The following BIRC6 variants were observed in gnomAD, a reference collection of about 807,000 sequenced individuals.
The protein encoded by BIRC6 is baculoviral IAP repeat containing 6.
BIRC6 carries 98 observed loss-of-function variants against 503.3 expected under a neutral mutation model. The observed-to-expected ratio is 0.19, with a 90% confidence interval of 0.17 to 0.23. The LOEUF (loss-of-function observed/expected upper bound fraction) is 0.23. Among genes scored for constraint, BIRC6 ranks in the 10% least tolerant of loss-of-function variants. BIRC6 has a pLI of 1.00. For synonymous variants in BIRC6, 2,240 were observed against 2,078.7 expected (o/e 1.08, Z -2.11); for missense variants, 5,360 against 5,806.0 (o/e 0.92, Z 2.50).
rs1328599947 is a variant in BIRC6 at position 32,357,542 on chromosome 2, C to T, written c.325+56C>T. On this transcript the variant is annotated intron_variant, in intron 1 of 73. Coordinates refer to ENST00000421745, the MANE Select transcript of BIRC6 (RefSeq NM_016252.4). This position sits in a 1 kb window ranked among gnomAD's most constrained non-coding sequence, Gnocchi z 4.9. ...AGCCGGGGAAAGAAGCCGTCCAGCC[C>T]CGGGGCTCGGCCTCGCGACTCGGGG... 6.6e-7 allele frequency: 1 copy of T among 1,513,640 alleles called. No individual in the cohort carries two copies. The highest frequency in any genetic ancestry group is 1.2e-5 in the South Asian group (1 of 80,976). The allele number at this position is 1,513,640 out of a possible 1,614,324, so 93.8% of individuals were successfully genotyped here.
At chr2:32,435,407 C>T in intron 13 of BIRC6, 89 bp from the exon 14 acceptor site, 4 of 1,321,990 alleles carry the variant, frequency 3.0e-6, no homozygotes, top group Non-Finnish European at 3.0e-6. Context: ...GCACATAAAT[C>T]ATTGATATTA....
At chr2:32,494,448 G>A (rs965853806) in intron 45 of BIRC6, among the ~76,000 whole-genome samples, 1 of 151,256 alleles carries the variant, frequency 6.6e-6, no homozygotes, top group East Asian at 2.0e-4. Context: ...GGGTGGTCTC[G>A]ATCTCCTGAC....
chr2:32,386,222 G>A (rs1414785814), intron 3 of BIRC6, among the ~76,000 whole-genome samples: 1 of 152,082 alleles, frequency 6.6e-6, no homozygotes, highest in Non-Finnish European at 1.5e-5. Flanking sequence ...GTCCTTAAAA[G>A]TAAAGATAGA....
rs1300975582 is a variant in BIRC6 at position 32,607,580 on chromosome 2, A to C, written c.14196A>C (p.Arg4732=). 1 of 1,613,868 alleles carries C rather than the reference A, an allele frequency of 6.2e-7. No individual in the cohort carries two copies. ...QSSREYDGNI[R]QATVKWAMLE... Reference sequence around the variant, plus strand: ...CTCGAGAATATGATGGAAACATTCGACAAGCAACAGTTAAGTGGGCAATGC... The same window carrying C: ...CTCGAGAATATGATGGAAACATTCGCCAAGCAACAGTTAAGTGGGCAATGC... The change falls in exon 72 of 74, where the codon CGA becomes CGC. Residue 4732 remains arginine, a synonymous_variant. Transcript: ENST00000421745.
intron 61 of BIRC6, among the ~76,000 whole-genome samples, chr2:32,538,530 C>G (rs895658434): frequency 1.3e-5 from 2 of 152,226 alleles, no homozygotes; most frequent in African/African-American, 4.8e-5. Flanking sequence ...ACAAAAGCCT[C>G]TAAGTTCAGG....
At chr2:32,584,822 A>T (rs1310018653) in intron 66 of BIRC6, among the ~76,000 whole-genome samples, 2 of 152,190 alleles carry the variant, frequency 1.3e-5, no homozygotes, top group Admixed American at 6.5e-5. Flanking sequence ...TCACCCATCA[A>T]GGACTTGCAC....
At chr2:32,579,707 TAAAG>T (rs1157586159) in intron 66 of BIRC6, among the ~76,000 whole-genome samples, 5 of 151,698 alleles carry the variant, frequency 3.3e-5, no homozygotes, top group Admixed American at 6.6e-5. Flanking sequence ...AGAACAAAAA[TAAAG>T]AAAATAAAAA....
chr2:32,396,785 G>A (rs139920189), intron 6 of BIRC6, among the ~76,000 whole-genome samples: 2,412 of 152,086 alleles, frequency 0.016, 45 homozygotes, highest in African/African-American at 0.056. Flanking sequence ...GTGCAGTGGC[G>A]CGATCTCGGC....
At chr2:32,420,191 T>A (rs1421076341) in intron 10 of BIRC6, among the ~76,000 whole-genome samples, 1 of 152,214 alleles carries the variant, frequency 6.6e-6, no homozygotes, top group Non-Finnish European at 1.5e-5. Context: ...TTGTAATCTT[T>A]ATCTGGTTTT....
At chr2:32,446,333 C>T (rs185285738) in intron 21 of BIRC6, among the ~76,000 whole-genome samples, 1 of 152,170 alleles carries the variant, frequency 6.6e-6, no homozygotes, top group Non-Finnish European at 1.5e-5. Flanking sequence ...AACTAGTATT[C>T]TTCTACCTGC....
chr2:32,412,019 A>G (rs544689092), intron 9 of BIRC6, among the ~76,000 whole-genome samples: 1 of 152,086 alleles, frequency 6.6e-6, no homozygotes, highest in East Asian at 1.9e-4. Context: ...TCCTAATCTA[A>G]AAGGATCCTT....
intron 73 of BIRC6, among the ~76,000 whole-genome samples, chr2:32,616,606 C>G (rs1448048413): frequency 1.4e-5 from 2 of 147,760 alleles, no homozygotes; most frequent in African/African-American, 5.0e-5. Context: ...ACAATTATTT[C>G]TAAGGTTTAT....
chr2:32,461,018 T>TTCTCTTCTCTTCTCC (rs2047852743), intron 23 of BIRC6, among the ~76,000 whole-genome samples: 7 of 61,040 alleles, frequency 1.1e-4, no homozygotes, highest in Middle Eastern at 7.9e-3. Flanking sequence ...TTCTCTTCTC[T>TTCTCTTCTCTTCTCC]TCTCTTCTCT....
At chr2:32,480,450 T>A (rs541810733) in intron 37 of BIRC6, among the ~76,000 whole-genome samples, 3 of 152,206 alleles carry the variant, frequency 2.0e-5, no homozygotes, top group African/African-American at 7.2e-5. Context: ...TCATACAGGC[T>A]GGCATTTACT....
chr2:32,489,045 T>G (rs1160378079), intron 42 of BIRC6, among the ~76,000 whole-genome samples: 1 of 151,692 alleles, frequency 6.6e-6, no homozygotes, highest in Non-Finnish European at 1.5e-5. Flanking sequence ...TTTTTTTCAT[T>G]TTTTAAAACT....
At chr2:32,590,920 C>A in intron 66 of BIRC6, 1 of 985,830 alleles carries the variant, frequency 1.0e-6, no homozygotes. Flanking sequence ...AGACCTACTT[C>A]CAGCTAGGTG....
Position 32,597,817 on chromosome 2 carries a change from T to C in BIRC6, c.13679T>C (p.Met4560Thr). 6.2e-7 allele frequency: 1 copy of C among 1,613,858 alleles called. No homozygotes were observed. Among genetic ancestry groups the C allele is most frequent in the South Asian group, 1.1e-5 (1 of 91,088 alleles). ...KLGFKVNYHYMSQVKNANDAN... is the reference protein window; with the variant it reads ...KLGFKVNYHYTSQVKNANDAN... ...GGATTTAAAGTAAATTACCACTACA[T>C]GTCTCAGGTGAAAAATGCTAATGAT... Residue 4560 changes from methionine (M) to threonine (T), a missense_variant, in exon 69 of 74, where the codon ATG becomes ACG. This residue lies in a region of BIRC6 where 477 missense variants were observed against 574.4 expected (regional missense o/e 0.83). Transcript: ENST00000421745.
chr2:32,504,829 T>C (rs2053622097), intron 49 of BIRC6, among the ~76,000 whole-genome samples, 176 bp from the exon 50 acceptor site: 1 of 152,228 alleles, frequency 6.6e-6, no homozygotes, highest in Admixed American at 6.5e-5. Context: ...TGACAGGATT[T>C]CCTCATGTTT....
intron 65 of BIRC6, among the ~76,000 whole-genome samples, chr2:32,562,338 T>C (rs1559058439): frequency 6.6e-6 from 1 of 152,198 alleles, no homozygotes; most frequent in Non-Finnish European, 1.5e-5. Flanking sequence ...TCACAGAAAA[T>C]TGAGCAGATA....
Sources: allele counts gnomAD v4.1 joint callset (sites outside exome capture counted in the v4.1 genomes callset), GRCh38; gene constraint gnomAD v4.1.1; regional missense constraint gnomAD v4.1.1; non-coding constraint Gnocchi (gnomAD v3.1); transcripts MANE v1.5; gene names NCBI Gene and HGNC (gene_info 2026-07-23, HGNC 2026-07-21).